ITGA9: variants seen among roughly 807,000 people sequenced by gnomAD.
The protein encoded by ITGA9 is integrin subunit alpha 9, also known as integrin alpha-9.
Under a neutral mutation model 127.8 loss-of-function variants are expected in ITGA9, and 56 were observed. The ratio of observed to expected loss-of-function variants is 0.44; its 90% confidence interval spans 0.35 to 0.55. The LOEUF (loss-of-function observed/expected upper bound fraction) is 0.55, where lower values mean the gene tolerates loss of function less well. Among genes scored for constraint, ITGA9 ranks in the 20% least tolerant of loss-of-function variants. The probability of loss-of-function intolerance (pLI) is 0.00; values close to 1 mark genes in which losing one functional copy is unlikely to be tolerated. For missense variants in ITGA9, 1,196 were observed against 1,347.1 expected (o/e 0.89, Z 1.76); for synonymous variants, 508 against 514.5 (o/e 0.99, Z 0.17).
At chr3:37,502,448 C>G (rs1339461012) in intron 5 of ITGA9, among the ~76,000 whole-genome samples, 1 of 152,078 alleles carries the variant, frequency 6.6e-6, no homozygotes, top group African/African-American at 2.4e-5. Context: ...CTCCTGACCT[C>G]AAGTGATCCA....
At chr3:37,809,520 C>T (rs544075334) in intron 27 of ITGA9, among the ~76,000 whole-genome samples, 1 of 152,170 alleles carries the variant, frequency 6.6e-6, no homozygotes, top group African/African-American at 2.4e-5. Flanking sequence ...GAAGAGGAGG[C>T]AAACAGAAAA....
intron 18 of ITGA9, among the ~76,000 whole-genome samples, chr3:37,721,551 T>C (rs1701190096): frequency 6.6e-6 from 1 of 152,220 alleles, no homozygotes; most frequent in Non-Finnish European, 1.5e-5. Context: ...AAACTTAGAA[T>C]AGTGTAGGCC....
intron 2 of ITGA9, among the ~76,000 whole-genome samples, chr3:37,472,485 G>A (rs1698443423): frequency 6.6e-6 from 1 of 152,126 alleles, no homozygotes; most frequent in African/African-American, 2.4e-5. Context: ...TGCAACCTCT[G>A]CCTCCCAGGT....
Position 37,503,701 on chromosome 3 carries a change from TAGAA to T in ITGA9, c.742+398_742+401del, listed in dbSNP as rs566809851. On this transcript the variant is annotated intron_variant, in intron 6 of 27. Transcript: ENST00000264741. ...TTCTGATCACAAAACTGGTAGCAAATAGAAAGATAAGAACTAGAAATTATCATGA... is the reference window on the plus strand; with the variant it reads ...TTCTGATCACAAAACTGGTAGCAAATAGATAAGAACTAGAAATTATCATGA... 4.6e-5 allele frequency among the ~76,000 whole-genome samples: 7 copies of T among 152,304 alleles called. No individual in the cohort carries two copies. In the South Asian group the frequency reaches 1.5e-3, roughly 32 times the overall value.
At chr3:37,533,780 G>A (rs770985429) in intron 14 of ITGA9, among the ~76,000 whole-genome samples, 5 of 152,196 alleles carry the variant, frequency 3.3e-5, no homozygotes, top group Non-Finnish European at 7.3e-5. Context: ...TATAGTGCCC[G>A]GAGCCTGGCC....
intron 5 of ITGA9, among the ~76,000 whole-genome samples, chr3:37,499,898 C>T (rs1420472850): frequency 1.3e-5 from 2 of 152,094 alleles, no homozygotes; most frequent in Non-Finnish European, 2.9e-5. Flanking sequence ...AACTTTTATC[C>T]TGGGTTAGTC....
chr3:37,508,408 A>G, intron 7 of ITGA9, 151 bp from the exon 8 acceptor site: 2 of 663,384 alleles, frequency 3.0e-6, no homozygotes, highest in Middle Eastern at 8.1e-4. Context: ...GTAAAATGAC[A>G]GCTGACTTCT....
At chr3:37,472,366 C>A (rs1456009592) in intron 2 of ITGA9, among the ~76,000 whole-genome samples, 1 of 152,136 alleles carries the variant, frequency 6.6e-6, no homozygotes, top group Non-Finnish European at 1.5e-5. Context: ...AGTCTTTTTG[C>A]ATAAAGATTT....
At chr3:37,617,416 T>C (rs1336504539) in intron 15 of ITGA9, among the ~76,000 whole-genome samples, 2 of 152,216 alleles carry the variant, frequency 1.3e-5, no homozygotes, top group Non-Finnish European at 2.9e-5. Context: ...CATTTCAGCT[T>C]TGGTGAATCT....
intron 13 of ITGA9, among the ~76,000 whole-genome samples, chr3:37,530,049 G>T (rs1252967013): frequency 6.6e-6 from 1 of 152,216 alleles, no homozygotes; most frequent in Non-Finnish European, 1.5e-5. Flanking sequence ...ATTCCAGGAG[G>T]ACAAGGGAAT....
intron 24 of ITGA9, among the ~76,000 whole-genome samples, chr3:37,779,003 A>G (rs1696942529): frequency 1.3e-5 from 2 of 151,756 alleles, no homozygotes. Flanking sequence ...ATTTTGCCGT[A>G]TAGATGAAAC....
At chr3:37,466,483 CAAAAAAAAAAAAAAAAAAAAA>C (rs60980366) in intron 1 of ITGA9, among the ~76,000 whole-genome samples, 1 of 26,066 alleles carries the variant, frequency 3.8e-5, no homozygotes, top group Non-Finnish European at 5.9e-5. Flanking sequence ...GACACCATCT[CAAAAAAAAAAAAAAAAAAAAA>C]AAAAAAAAAG....
intron 16 of ITGA9, among the ~76,000 whole-genome samples, chr3:37,630,250 G>A (rs1048765022): frequency 6.7e-6 from 1 of 148,414 alleles, no homozygotes; most frequent in Non-Finnish European, 1.5e-5. Flanking sequence ...AGGTGTTCAC[G>A]TAAGTGCTGA....
chr3:37,679,518 C>T (rs1700714742), intron 17 of ITGA9, among the ~76,000 whole-genome samples: 1 of 152,082 alleles, frequency 6.6e-6, no homozygotes, highest in Non-Finnish European at 1.5e-5. Flanking sequence ...GGCCGGGTGA[C>T]CTCAGTTGGG....
intron 15 of ITGA9, among the ~76,000 whole-genome samples, chr3:37,592,579 A>G (rs1699831242): frequency 6.6e-6 from 1 of 152,144 alleles, no homozygotes; most frequent in African/African-American, 2.4e-5. Flanking sequence ...CAGGCTGGGC[A>G]CCACCTTGGG....
intron 7 of ITGA9, 40 bp from the exon 8 acceptor site, chr3:37,508,519 G>T: frequency 6.5e-7 from 1 of 1,532,746 alleles, no homozygotes; most frequent in South Asian, 1.1e-5. Flanking sequence ...TTTGATCATT[G>T]ATTTCATCCT....
Position 37,779,177 on chromosome 3 carries a change from T to A in ITGA9, c.2668-725T>A, listed in dbSNP as rs543658042. Among the ~76,000 whole-genome samples the A allele has an allele frequency of 2.6e-5, 4 of 152,340 alleles. No homozygotes were observed. The East Asian group carries it at 7.7e-4, about 29-fold the overall frequency. On this transcript the variant is annotated intron_variant, in intron 24 of 27. Transcript: ENST00000264741. ...TGGAGTGCAGTGGCATGATCTCGGC[T>A]CACTGCAGCTTCTGCCTCTCGGGTT...
intron 15 of ITGA9, among the ~76,000 whole-genome samples, 195 bp from the exon 16 acceptor site, chr3:37,628,992 C>T (rs1364948529): frequency 6.6e-6 from 1 of 152,136 alleles, no homozygotes; most frequent in Non-Finnish European, 1.5e-5. Flanking sequence ...ACAGAATGAC[C>T]TTGGACAAGA....
At chr3:37,667,746 G>A (rs928059493) in intron 17 of ITGA9, among the ~76,000 whole-genome samples, 4 of 152,192 alleles carry the variant, frequency 2.6e-5, no homozygotes, top group Non-Finnish European at 5.9e-5. Context: ...CATTTCTGGT[G>A]CAGAATAGGA....
Sources: allele counts gnomAD v4.1 joint callset (sites outside exome capture counted in the v4.1 genomes callset), GRCh38; gene constraint gnomAD v4.1.1; transcripts MANE v1.5; gene names NCBI Gene and HGNC (gene_info 2026-07-23, HGNC 2026-07-21).